The following TSPAN8 variants were observed in gnomAD, a reference collection of about 807,000 sequenced individuals.
The protein encoded by TSPAN8 is tetraspanin 8, also known as tetraspanin-8.
Under a neutral mutation model 32.8 loss-of-function variants are expected in TSPAN8, and 21 were observed. The ratio of observed to expected loss-of-function variants is 0.64; its 90% CI spans 0.45 to 0.92. TSPAN8 has a LOEUF of 0.92. TSPAN8 is among the 40% of genes least tolerant of loss of function. The probability of loss-of-function intolerance (pLI) is 0.00; values close to 1 mark genes in which losing one functional copy is unlikely to be tolerated. For missense variants in TSPAN8, 269 were observed against 281.9 expected (o/e 0.95, Z 0.33); for synonymous variants, 95 against 94.6 (o/e 1.00, Z -0.03).
At chr12:71,147,772 C>T (rs1024999099) in intron 2 of TSPAN8, among the ~76,000 whole-genome samples, 3 of 152,036 alleles carry the variant, frequency 2.0e-5, no homozygotes, top group African/African-American at 7.2e-5. Flanking sequence ...TTCAGAGATA[C>T]TAGAAAAGAC....
intron 6 of TSPAN8, among the ~76,000 whole-genome samples, chr12:71,133,968 A>G (rs1871601620): frequency 6.6e-6 from 1 of 152,208 alleles, no homozygotes; most frequent in African/African-American, 2.4e-5. Flanking sequence ...GATACATTGC[A>G]ATGCCAAGAT....
intron 8 of TSPAN8, 29 bp from the exon 9 acceptor site, chr12:71,125,416 G>T (rs1871321455): frequency 6.4e-7 from 1 of 1,567,084 alleles, no homozygotes; most frequent in Admixed American, 1.8e-5. Flanking sequence ...GGATTAACAT[G>T]GAATTTAAGG....
chr12:71,152,783 A>G (rs1389203716), intron 2 of TSPAN8, among the ~76,000 whole-genome samples: 4 of 152,210 alleles, frequency 2.6e-5, no homozygotes, highest in Admixed American at 6.5e-5. Context: ...AACGGACACA[A>G]TAAGATATAA....
At chr12:71,130,615 A>C (rs1307697934) in intron 7 of TSPAN8, among the ~76,000 whole-genome samples, 1 of 147,866 alleles carries the variant, frequency 6.8e-6, no homozygotes, top group East Asian at 2.1e-4. Context: ...AATAAAATAA[A>C]ATTTCTCCAG....
At chr12:71,141,266 T>A (rs1871894716) in intron 3 of TSPAN8, among the ~76,000 whole-genome samples, 1 of 152,216 alleles carries the variant, frequency 6.6e-6, no homozygotes, top group Non-Finnish European at 1.5e-5. Context: ...GAAAGCTTGG[T>A]TAAGTCCTAA....
chr12:71,139,116 G>A (rs1871809073), intron 4 of TSPAN8: 1 of 455,580 alleles, frequency 2.2e-6, no homozygotes, highest in Non-Finnish European at 4.4e-6. Context: ...TTTTAGCATG[G>A]CATGTAGAAC....
At chr12:71,143,115 C>T (rs1216055496) in intron 3 of TSPAN8, among the ~76,000 whole-genome samples, 1 of 152,112 alleles carries the variant, frequency 6.6e-6, no homozygotes, top group African/African-American at 2.4e-5. Flanking sequence ...TGGGCAAATA[C>T]CTTAAAAAGG....
In TSPAN8 at chr12:71,125,249, T is replaced by A. The variant is rs575990687; in HGVS notation, c.*85A>T. The A allele has an allele frequency of 9.3e-6, 11 of 1,182,444 alleles. No individual in the cohort carries two copies. The highest frequency in any genetic ancestry group is 1.1e-5 in the Non-Finnish European group (9 of 813,532). The allele number at this position is 1,182,444 out of a possible 1,614,324, so 73.2% of individuals were successfully genotyped here. On this transcript the variant is annotated 3_prime_UTR_variant, in exon 9 of 9. Coordinates refer to ENST00000247829, the MANE Select transcript of TSPAN8 (RefSeq NM_004616.3). ...TAAAAAGACAGCTGCTCCTGACTTA[T>A]ATAGCACTTACATATTTAAATTTAC...
At chr12:71,139,120 G>A (rs1230877771) in intron 4 of TSPAN8, 1 of 456,108 alleles carries the variant, frequency 2.2e-6, no homozygotes, top group Admixed American at 2.3e-5. Flanking sequence ...AGCATGGCAT[G>A]TAGAACACCT....
chr12:71,127,256 T>C (rs1306350867), intron 8 of TSPAN8, among the ~76,000 whole-genome samples: 3 of 148,898 alleles, frequency 2.0e-5, no homozygotes, highest in African/African-American at 7.4e-5. Context: ...AAACTTGTAC[T>C]AATGACTGTA....
chr12:71,139,567 C>G (rs771863997), intron 4 of TSPAN8, 144 bp downstream of exon 4: 89 of 1,108,820 alleles, frequency 8.0e-5, no homozygotes, highest in Non-Finnish European at 1.0e-4. Context: ...TAAGCCATAT[C>G]AGCTTCCACA....
chr12:71,151,359 G>A (rs1010449180), intron 2 of TSPAN8, among the ~76,000 whole-genome samples: 4 of 152,116 alleles, frequency 2.6e-5, no homozygotes, highest in African/African-American at 9.7e-5. Flanking sequence ...CACCGCGCCT[G>A]GTCTCATGTG....
At position 71,125,322 on chromosome 12, in the gene TSPAN8, G is replaced by T. The variant is rs745449738; in HGVS notation, c.*12C>A. ...GGGGTTTGACTGACGATAGGTTGAT[G>T]CATCCACAGATTCATTTGTTCCCGA... is the stretch of plus-strand genomic sequence containing the variant. On this transcript the variant is annotated 3_prime_UTR_variant, in exon 9 of 9. Transcript: ENST00000247829. 1 of 1,609,716 alleles carries T rather than the reference G, an allele frequency of 6.2e-7. No individual in the cohort carries two copies. Among genetic ancestry groups the T allele is most frequent in the South Asian group, 1.1e-5 (1 of 90,312 alleles).
intron 8 of TSPAN8, among the ~76,000 whole-genome samples, chr12:71,126,134 C>G (rs1038850655): frequency 6.6e-6 from 1 of 152,084 alleles, no homozygotes; most frequent in Non-Finnish European, 1.5e-5. Flanking sequence ...CCCACCAGCC[C>G]CTTTTGAAGG....
chr12:71,147,745 TCATC>T (rs1206787698), intron 2 of TSPAN8, among the ~76,000 whole-genome samples: 1 of 152,196 alleles, frequency 6.6e-6, no homozygotes, highest in Admixed American at 6.5e-5. Context: ...TGCATTTCCT[TCATC>T]AATTTCTAAA....
At chr12:71,130,363 GA>G (rs1871483297) in intron 7 of TSPAN8, among the ~76,000 whole-genome samples, 1 of 152,156 alleles carries the variant, frequency 6.6e-6, no homozygotes, top group Non-Finnish European at 1.5e-5. Context: ...ATAAAAAAGA[GA>G]AATTAGGAAG....
At position 71,135,229 on chromosome 12, in the gene TSPAN8, AAGG is replaced by A. The variant is rs751370557; in HGVS notation, c.445-2408_445-2406del. Among the ~76,000 whole-genome samples, 343 of 49,434 alleles carry A rather than the reference AAGG, an allele frequency of 6.9e-3. 1 individual carries two copies. The East Asian group carries it at 0.14, about 20-fold the overall frequency. The allele number at this position is 49,434 out of a possible 152,430, so 32.4% of individuals were successfully genotyped here. A position where few individuals can be genotyped will look rare whatever the true frequency, so the allele number is the denominator to read the frequency against. On this transcript the variant is annotated intron_variant, in intron 6 of 8. Coordinates refer to ENST00000247829, the MANE Select transcript of TSPAN8 (RefSeq NM_004616.3). Reference sequence around the variant, plus strand: ...GATGAGGAGGAGGAGGAGGAAGAAGAAGGAGGAGGAGGAGGAGGAGGAGGAGGT... The same window carrying A: ...GATGAGGAGGAGGAGGAGGAAGAAGAAGGAGGAGGAGGAGGAGGAGGAGGT...
intron 2 of TSPAN8, among the ~76,000 whole-genome samples, chr12:71,152,161 A>G (rs934018102): frequency 1.3e-5 from 2 of 152,152 alleles, no homozygotes; most frequent in African/African-American, 4.8e-5. Flanking sequence ...GATCATTTTT[A>G]TTTTACAAAT....
Position 71,139,862 on chromosome 12 carries a change from G to A in TSPAN8, c.124-14C>T. 6.3e-7 allele frequency: 1 copy of A among 1,592,272 alleles called. No homozygotes were observed. The highest frequency in any genetic ancestry group is 8.5e-7 in the Non-Finnish European group (1 of 1,171,572). ...AGAACCAAAAATCTGAAGTAAAAAA[G>A]AGATTAATGGCAGAAAATTTATTTC... On this transcript the variant is annotated splice_polypyrimidine_tract_variant and intron_variant, in intron 3 of 8. Coordinates refer to ENST00000247829, the MANE Select transcript of TSPAN8 (RefSeq NM_004616.3).
Sources: gnomAD v4.1 joint callset for allele counts (sites outside exome capture counted in the v4.1 genomes callset) on GRCh38, gnomAD v4.1.1 for gene constraint, MANE v1.5 for transcripts, NCBI Gene and HGNC (gene_info 2026-07-23, HGNC 2026-07-21) for gene names.